The following FAM169A variants were observed in gnomAD, a reference collection of about 807,000 sequenced individuals.
FAM169A encodes the protein family with sequence similarity 169 member A, also known as soluble lamin-associated protein of 75 kDa.
In FAM169A, 24 loss-of-function variants were observed where a neutral mutation model predicts 75.7. The observed-to-expected ratio is 0.32, with a 90% confidence interval of 0.23 to 0.45. The LOEUF is 0.45. FAM169A is among the 20% of genes least tolerant of loss of function. The pLI is 1.00. For missense variants in FAM169A, 673 were observed against 784.0 expected, an observed-to-expected ratio of 0.86 and a Z score of 1.69; for synonymous variants, 271 against 271.0, an observed-to-expected ratio of 1.00 and a Z score of 0.00.
At chr5:74,802,375 A>G (rs1374494892) in intron 8 of FAM169A, among the ~76,000 whole-genome samples, 4 of 151,726 alleles carry the variant, frequency 2.6e-5, no homozygotes, top group Non-Finnish European at 4.4e-5. Flanking sequence ...AAATTGTACC[A>G]TTTTTTTGAT....
At chr5:74,788,134 G>C (rs532490186) in intron 11 of FAM169A, among the ~76,000 whole-genome samples, 1 of 152,146 alleles carries the variant, frequency 6.6e-6, no homozygotes, top group Non-Finnish European at 1.5e-5. Context: ...CGTTGATTCC[G>C]GGGGACCCAA....
Position 74,778,046 on chromosome 5 carries a change from C to G in FAM169A, c.*3414G>C, listed in dbSNP as rs2112434196. On this transcript the variant is annotated 3_prime_UTR_variant, in exon 13 of 13. Transcript: ENST00000687041. ...ATATAAATGGGTGATGTGTGGATCA[C>G]AAGTTCTAGAAGGCGAATAAAAATA... The G allele has an allele frequency of 6.6e-6, 1 of 152,000 alleles. No individual in the cohort carries two copies. The highest frequency in any genetic ancestry group is 1.9e-4 in the East Asian group (1 of 5,178). 9.4% of individuals were successfully genotyped at this position (152,000 alleles called of 1,614,324 possible).
At chr5:74,805,523 G>GTTTTT (rs1561298455) in intron 6 of FAM169A, among the ~76,000 whole-genome samples, 1 of 105,624 alleles carries the variant, frequency 9.5e-6, no homozygotes, top group Non-Finnish European at 1.8e-5. Context: ...AATGTGCTTC[G>GTTTTT]CTTTTTTTTT....
chr5:74,809,332 C>T lies in FAM169A; in HGVS notation c.671-4048G>A, dbSNP rs181052195. ...TAACTCGGCCAGGTGTGGTGGCTCACGCCTGTAATCTCAGCACTTTGGGAG... is the reference window on the plus strand; with the variant it reads ...TAACTCGGCCAGGTGTGGTGGCTCATGCCTGTAATCTCAGCACTTTGGGAG... On this transcript the variant is annotated intron_variant, in intron 6 of 12. Transcript: ENST00000687041. Among the ~76,000 whole-genome samples, 6 of 152,256 alleles carry T rather than the reference C, an allele frequency of 3.9e-5. No individual in the cohort carries two copies. In the South Asian group the frequency reaches 8.3e-4, roughly 21 times the overall value.
chr5:74,839,219 A>G (rs1049326559), intron 3 of FAM169A, among the ~76,000 whole-genome samples, 169 bp from the exon 4 acceptor site: 2 of 152,112 alleles, frequency 1.3e-5, no homozygotes, highest in Admixed American at 1.3e-4. Context: ...TACCATTTTT[A>G]TTTCACTGAT....
intron 1 of FAM169A, among the ~76,000 whole-genome samples, chr5:74,852,931 T>C (rs1410433434): frequency 3.3e-5 from 5 of 152,214 alleles, no homozygotes; most frequent in Non-Finnish European, 7.3e-5. Context: ...GGTGCTGCTA[T>C]GGTAAGTACC....
chr5:74,862,450 A>C (rs1404045225), intron 1 of FAM169A, among the ~76,000 whole-genome samples: 2 of 152,062 alleles, frequency 1.3e-5, no homozygotes, highest in African/African-American at 2.4e-5. Flanking sequence ...ACAAGTTCTC[A>C]CTCATCCATT....
intron 8 of FAM169A, among the ~76,000 whole-genome samples, chr5:74,802,241 T>C (rs548172677): frequency 6.6e-6 from 1 of 152,278 alleles, no homozygotes; most frequent in Non-Finnish European, 1.5e-5. Context: ...TACCATTGCT[T>C]TAGTTTATAT....
At chr5:74,804,785 G>A (rs1396129514) in intron 7 of FAM169A, among the ~76,000 whole-genome samples, 180 bp from the exon 8 acceptor site, 2 of 152,134 alleles carry the variant, frequency 1.3e-5, no homozygotes, top group Non-Finnish European at 2.9e-5. Context: ...TATATACAAT[G>A]TTAAATAGTT....
chr5:74,853,695 T>C (rs1749560257), intron 1 of FAM169A, among the ~76,000 whole-genome samples: 2 of 150,862 alleles, frequency 1.3e-5, no homozygotes, highest in African/African-American at 4.9e-5. Flanking sequence ...GTGACCCATC[T>C]TCAGAATTTT....
intron 1 of FAM169A, among the ~76,000 whole-genome samples, chr5:74,854,955 CT>C (rs1749634307): frequency 6.6e-6 from 1 of 152,074 alleles, no homozygotes; most frequent in Non-Finnish European, 1.5e-5. Flanking sequence ...TGATTTCTTT[CT>C]TTCTTTTGGG....
intron 1 of FAM169A, among the ~76,000 whole-genome samples, chr5:74,860,827 T>TAAAAAAAA (rs11293001): frequency 1.4e-5 from 1 of 71,656 alleles, no homozygotes. Flanking sequence ...AATGTAGCAC[T>TAAAAAAAA]AAAAAAAAAA....
At chr5:74,848,267 T>C (rs577827330) in intron 1 of FAM169A, among the ~76,000 whole-genome samples, 3 of 152,284 alleles carry the variant, frequency 2.0e-5, no homozygotes, top group Non-Finnish European at 2.9e-5. Context: ...TATCAGGCTT[T>C]AGAGAGACTG....
At chr5:74,812,336 A>C (rs1747240196) in intron 6 of FAM169A, among the ~76,000 whole-genome samples, 1 of 152,078 alleles carries the variant, frequency 6.6e-6, no homozygotes. Flanking sequence ...CATGTTGTCC[A>C]GGCTGGTCTC....
intron 5 of FAM169A, among the ~76,000 whole-genome samples, chr5:74,815,290 A>C (rs1273073296): frequency 6.6e-6 from 1 of 151,842 alleles, no homozygotes; most frequent in African/African-American, 2.4e-5. Flanking sequence ...CCTGAGTTCA[A>C]GCAATTCTCC....
At chr5:74,791,235 CA>C (rs1745959317) in intron 11 of FAM169A, among the ~76,000 whole-genome samples, 1 of 152,222 alleles carries the variant, frequency 6.6e-6, no homozygotes, top group Non-Finnish European at 1.5e-5. Context: ...AGGTCTCCAG[CA>C]GGCTGGGTAT....
chr5:74,866,870 G>C (rs1002690581), upstream of FAM169A: 2 of 985,338 alleles, frequency 2.0e-6, no homozygotes, highest in Admixed American at 6.1e-5. Flanking sequence ...CAGAGGGCAC[G>C]GGCGAGGACC....
chr5:74,839,732 C>G (rs912976600), intron 3 of FAM169A, among the ~76,000 whole-genome samples: 4 of 152,042 alleles, frequency 2.6e-5, no homozygotes, highest in African/African-American at 9.7e-5. Flanking sequence ...CCATGTTGGT[C>G]AGGCTGGTCT....
intron 1 of FAM169A, among the ~76,000 whole-genome samples, chr5:74,850,267 G>T (rs768394417): frequency 6.6e-6 from 1 of 152,174 alleles, no homozygotes; most frequent in Non-Finnish European, 1.5e-5. Context: ...GTCGGACTCC[G>T]ATGTCTGTTT....
Sources: gnomAD v4.1 joint callset for allele counts (sites outside exome capture counted in the v4.1 genomes callset) on GRCh38, gnomAD v4.1.1 for gene constraint, MANE v1.5 for transcripts, NCBI Gene and HGNC (gene_info 2026-07-23, HGNC 2026-07-21) for gene names.